KLHL41: variants seen among roughly 807,000 people sequenced by gnomAD.
The protein encoded by KLHL41 is kelch like family member 41.
A neutral mutation model predicts 49.2 loss-of-function variants in KLHL41; 31 were observed. The observed-to-expected ratio is 0.63, with a 90% CI of 0.47 to 0.85. The LOEUF (loss-of-function observed/expected upper bound fraction) is 0.85, where lower values mean the gene tolerates loss of function less well. Ranked by LOEUF, KLHL41 falls within the 40% of genes least tolerant of loss-of-function variation. The pLI is 0.00. For missense variants in KLHL41, 663 were observed against 726.7 expected, an observed-to-expected ratio of 0.91 and a Z score of 1.01; for synonymous variants, 218 against 258.5, an observed-to-expected ratio of 0.84 and a Z score of 1.50.
intron 4 of KLHL41, among the ~76,000 whole-genome samples, chr2:169,519,561 A>C (rs16857001): frequency 0.025 from 3,727 of 152,108 alleles, 162 homozygotes; most frequent in African/African-American, 0.085. Context: ...AATTACACCA[A>C]ATTGTTGCTT....
chr2:169,522,376 T>TC (rs972022176), intron 5 of KLHL41, among the ~76,000 whole-genome samples: 12 of 150,596 alleles, frequency 8.0e-5, no homozygotes, highest in South Asian at 4.2e-4. Context: ...CTTTCCCTCC[T>TC]CCCCCCAAAA....
chr2:169,512,025 G>A (rs1465736335), intron 1 of KLHL41, among the ~76,000 whole-genome samples: 1 of 152,150 alleles, frequency 6.6e-6, no homozygotes, highest in Non-Finnish European at 1.5e-5. Context: ...GGGCTTATGG[G>A]CACTTTAGTT....
chr2:169,518,838 T>A (rs1369501754), intron 4 of KLHL41, among the ~76,000 whole-genome samples: 1 of 151,904 alleles, frequency 6.6e-6, no homozygotes, highest in Non-Finnish European at 1.5e-5. Context: ...CCCAGCTAAT[T>A]TTTGTTTTTG....
chr2:169,511,115 A>C (rs149162992), intron 1 of KLHL41, among the ~76,000 whole-genome samples: 9 of 152,346 alleles, frequency 5.9e-5, no homozygotes, highest in Non-Finnish European at 1.3e-4. Flanking sequence ...ATTCATGTTT[A>C]ATGACTTAAG....
At chr2:169,513,085 A>C (rs1412925548) in intron 1 of KLHL41, among the ~76,000 whole-genome samples, 2 of 152,166 alleles carry the variant, frequency 1.3e-5, no homozygotes, top group Non-Finnish European at 2.9e-5. Context: ...TGCTAGAGAA[A>C]GTGCCCTCTA....
intron 5 of KLHL41, 136 bp from the exon 6 acceptor site, chr2:169,525,449 G>A (rs1169686500): frequency 4.9e-6 from 3 of 606,242 alleles, no homozygotes; most frequent in Admixed American, 2.9e-5. Context: ...TTTAAGTTCT[G>A]TTCTACCAGG....
rs774846657 is a variant in KLHL41 at position 169,510,661 on chromosome 2, A to G, written c.883A>G (p.Ile295Val). The G allele has an allele frequency of 1.8e-5, 29 of 1,614,146 alleles. 1 individual carries two copies. The highest frequency in any genetic ancestry group is 1.7e-4 in the Middle Eastern group (1 of 6,060). ...TTTACTTCCTGGTTACCTGAATGAC[A>G]TTCCCAGGCATGGAATGTTTGTAAA... ...EDLLPGYLND[I>V]PRHGMFVKDL... Residue 295 changes from isoleucine to valine, a missense_variant, in exon 1 of 6, where the codon ATT (isoleucine) becomes GTT (valine). Coordinates refer to ENST00000284669, the MANE Select transcript of KLHL41 (RefSeq NM_006063.3). This position sits in a 1 kb window ranked among gnomAD's most constrained non-coding sequence, Gnocchi z 4.2.
rs377324782 is a variant in KLHL41 at position 169,522,037 on chromosome 2, A to G, written c.1709+1030A>G. ...AGAAAAAAGAAACACAGAATCCCAG[A>G]CCCTACTGAATGAGAATCTGTATTT... is the stretch of plus-strand genomic sequence containing the variant. On this transcript the variant is annotated intron_variant, in intron 5 of 5. Transcript: ENST00000284669. Among the ~76,000 whole-genome samples the G allele has an allele frequency of 3.3e-4, 50 of 152,090 alleles. 1 individual carries two copies. In the East Asian group the frequency reaches 5.0e-3, roughly 15 times the overall value.
rs1684143979 is a variant in KLHL41 at position 169,518,208 on chromosome 2, G to T, written c.1395G>T (p.Val465=). 3 of 1,612,810 alleles carry T rather than the reference G, an allele frequency of 1.9e-6. No individual in the cohort carries two copies. Among genetic ancestry groups the T allele is most frequent in the Admixed American group, 1.7e-5 (1 of 59,866 alleles). The part of the protein sequence containing the change: ...KTDDKKCTNR[V]FIFNPKKGDW... ...TTTACAGAAAATGTACAAACAGGGT[G>T]TTTATCTTCAACCCCAAAAAAGGAG... Residue 465 remains valine, a synonymous_variant, in exon 4 of 6, where the codon GTG becomes GTT. Transcript: ENST00000284669.
intron 3 of KLHL41, among the ~76,000 whole-genome samples, chr2:169,517,228 A>C (rs999034428): frequency 6.6e-6 from 1 of 152,194 alleles, no homozygotes; most frequent in Admixed American, 6.5e-5. Context: ...GTTTTTCATC[A>C]CCAAATATAT....
chr2:169,522,422 G>A (rs920834144), intron 5 of KLHL41, among the ~76,000 whole-genome samples: 2 of 152,110 alleles, frequency 1.3e-5, no homozygotes, highest in Non-Finnish European at 2.9e-5. Flanking sequence ...AGATTTCCAC[G>A]GAGCAAAGAG....
At chr2:169,515,961 T>C in intron 3 of KLHL41, among the ~76,000 whole-genome samples, 1 of 152,186 alleles carries the variant, frequency 6.6e-6, no homozygotes, top group East Asian at 1.9e-4. Flanking sequence ...CAGTCAATTC[T>C]TAAGGAACCT....
At chr2:169,515,713 T>C (rs779134378) in intron 3 of KLHL41, among the ~76,000 whole-genome samples, 2 of 152,166 alleles carry the variant, frequency 1.3e-5, no homozygotes, top group South Asian at 2.1e-4. Flanking sequence ...AGAGGGACTT[T>C]AGATAGGTCA....
chr2:169,511,060 C>G (rs1234931602), intron 1 of KLHL41, among the ~76,000 whole-genome samples, 172 bp downstream of exon 1: 1 of 152,144 alleles, frequency 6.6e-6, no homozygotes, highest in Non-Finnish European at 1.5e-5. Context: ...TATTTGACTG[C>G]TTTGTTAATG....
At chr2:169,524,975 A>C (rs913292800) in intron 5 of KLHL41, among the ~76,000 whole-genome samples, 4 of 152,210 alleles carry the variant, frequency 2.6e-5, no homozygotes, top group African/African-American at 9.6e-5. Context: ...AGACATGTTC[A>C]GCACACATCG....
At chr2:169,521,519 G>A (rs184655999) in intron 5 of KLHL41, among the ~76,000 whole-genome samples, 10 of 152,032 alleles carry the variant, frequency 6.6e-5, no homozygotes, top group Non-Finnish European at 1.2e-4. Context: ...TCAGCCTCCC[G>A]AGTAGCTGGG....
intron 5 of KLHL41, among the ~76,000 whole-genome samples, chr2:169,523,561 A>G (rs1684234938): frequency 6.6e-6 from 1 of 152,208 alleles, no homozygotes; most frequent in Non-Finnish European, 1.5e-5. Flanking sequence ...ACTTTGCTGC[A>G]TATTAGAAAC....
chr2:169,523,122 G>A (rs1684227344), intron 5 of KLHL41, among the ~76,000 whole-genome samples: 1 of 152,054 alleles, frequency 6.6e-6, no homozygotes, highest in African/African-American at 2.4e-5. Context: ...TGGTTCCTAA[G>A]GGTTATCAAA....
chr2:169,514,353 G>A (rs1307303753), intron 1 of KLHL41: 1 of 417,292 alleles, frequency 2.4e-6, no homozygotes, highest in African/African-American at 2.1e-5. Flanking sequence ...TTGAAGCCTT[G>A]AAGATTTTGA....
Sources: gnomAD v4.1 joint callset for allele counts (sites outside exome capture counted in the v4.1 genomes callset) on GRCh38, gnomAD v4.1.1 for gene constraint, Gnocchi (gnomAD v3.1) non-coding constraint, MANE v1.5 for transcripts, NCBI Gene and HGNC (gene_info 2026-07-23, HGNC 2026-07-21) for gene names.